The following CCNY variants were observed in gnomAD, a reference collection of about 807,000 sequenced individuals.
The protein encoded by CCNY is cyclin-Y.
In CCNY, 19 loss-of-function variants were observed where a neutral mutation model predicts 42.8. The ratio of observed to expected loss-of-function variants is 0.44; its 90% CI spans 0.31 to 0.65. The LOEUF is 0.65. Ranked by LOEUF, CCNY falls within the 30% of genes least tolerant of loss-of-function variation. The pLI is 0.07. For missense variants in CCNY, 370 were observed against 437.3 expected (o/e 0.85, Z 1.37); for synonymous variants, 165 against 162.7 (o/e 1.01, Z -0.11).
At chr10:35,472,528 T>C (rs971285786) in intron 1 of CCNY, among the ~76,000 whole-genome samples, 1 of 152,228 alleles carries the variant, frequency 6.6e-6, no homozygotes, top group Admixed American at 6.5e-5. Flanking sequence ...TCTCTTTCGT[T>C]ACTTCTGTAT....
intron 1 of CCNY, among the ~76,000 whole-genome samples, chr10:35,344,467 G>A (rs944994809): frequency 2.6e-5 from 4 of 152,174 alleles, no homozygotes; most frequent in South Asian, 4.1e-4. Flanking sequence ...TGAGGCAGGC[G>A]GATCATGAGG....
At chr10:35,485,057 T>G (rs1447952439) in intron 2 of CCNY, among the ~76,000 whole-genome samples, 1 of 152,252 alleles carries the variant, frequency 6.6e-6, no homozygotes, top group Non-Finnish European at 1.5e-5. Flanking sequence ...TGTTTATTGC[T>G]TCAGTTTCTC....
chr10:35,380,200 C>T (rs1035614434), intron 1 of CCNY, among the ~76,000 whole-genome samples: 1 of 152,176 alleles, frequency 6.6e-6, no homozygotes, highest in Non-Finnish European at 1.5e-5. Flanking sequence ...AAGTGCTGCT[C>T]CCATTTTGGT....
intron 3 of CCNY, among the ~76,000 whole-genome samples, chr10:35,275,316 T>C (rs974598088): frequency 6.6e-6 from 1 of 151,622 alleles, no homozygotes; most frequent in African/African-American, 2.4e-5. Flanking sequence ...TCTGCCCGCA[T>C]TGGCCTCCCA....
At chr10:35,285,084 T>C (rs1835337577) in intron 3 of CCNY, among the ~76,000 whole-genome samples, 1 of 151,952 alleles carries the variant, frequency 6.6e-6, no homozygotes, top group Admixed American at 6.6e-5. Context: ...AGCATGATCT[T>C]AGCTCACAGC....
intron 3 of CCNY, 146 bp downstream of exon 3, chr10:35,501,681 G>A: frequency 1.4e-6 from 1 of 709,576 alleles, no homozygotes; most frequent in East Asian, 2.6e-5. Context: ...AGTTTGGTTT[G>A]TAATTGGACA....
chr10:35,531,334 G>GAGCTGTGTGCTCCGAGGCT (rs1840766248), intron 7 of CCNY, among the ~76,000 whole-genome samples: 1 of 152,250 alleles, frequency 6.6e-6, no homozygotes, highest in African/African-American at 2.4e-5. Flanking sequence ...GCCACATGAA[G>GAGCTGTGTGCTCCGAGGCT]AGCTGTGTGC....
chr10:35,411,449 G>A (rs1837902072), intron 1 of CCNY, among the ~76,000 whole-genome samples: 2 of 144,082 alleles, frequency 1.4e-5, no homozygotes, highest in Non-Finnish European at 3.0e-5. Context: ...AGGAGGTGGA[G>A]GTTTGCAGTG....
At chr10:35,407,005 G>A (rs1431795715) in intron 1 of CCNY, among the ~76,000 whole-genome samples, 1 of 152,226 alleles carries the variant, frequency 6.6e-6, no homozygotes, top group African/African-American at 2.4e-5. Context: ...GTCTAGGGTG[G>A]TAAAGCGTCT....
intron 8 of CCNY, among the ~76,000 whole-genome samples, chr10:35,565,205 A>G (rs1410205566): frequency 6.6e-6 from 1 of 152,224 alleles, no homozygotes; most frequent in Non-Finnish European, 1.5e-5. Flanking sequence ...CAACATGTAG[A>G]TGGGTTGGCA....
intron 2 of CCNY, among the ~76,000 whole-genome samples, chr10:35,495,442 T>C (rs982205740): frequency 2.6e-5 from 4 of 152,250 alleles, no homozygotes; most frequent in Admixed American, 2.6e-4. Context: ...TCTCCTTATG[T>C]TCTTCCTTCG....
At chr10:35,472,684 T>G (rs543879772) in intron 1 of CCNY, among the ~76,000 whole-genome samples, 1 of 152,340 alleles carries the variant, frequency 6.6e-6, no homozygotes, top group East Asian at 1.9e-4. Context: ...TGACATCTAA[T>G]GAAATGCTAA....
rs147407082 is a variant in CCNY, at chr10:35,341,160, C to G, written c.154+3953C>G. The stretch of plus-strand genomic sequence containing the variant: ...GCTGGGGCCCCTTGGGATCTGCCTG[C>G]CATCAGCTCACTCAGTCGCTTGCTC... On this transcript the variant is annotated intron_variant, in intron 1 of 9. Coordinates refer to ENST00000374704, the MANE Select transcript of CCNY (RefSeq NM_145012.6). Among the ~76,000 whole-genome samples, 504 of 152,340 alleles carry G rather than the reference C, an allele frequency of 3.3e-3. 4 individuals are homozygous for G. Among genetic ancestry groups the G allele is most frequent in the African/African-American group, 0.011 (476 of 41,578 alleles).
At chr10:35,564,272 G>A (rs1461959252) in intron 8 of CCNY, among the ~76,000 whole-genome samples, 2 of 152,132 alleles carry the variant, frequency 1.3e-5, no homozygotes, top group Non-Finnish European at 2.9e-5. Flanking sequence ...AAGCAGTGAC[G>A]CTCTTCATCT....
At chr10:35,312,382 C>CAA (rs35909291) in intron 3 of CCNY, among the ~76,000 whole-genome samples, 1,003 of 61,418 alleles carry the variant, frequency 0.016, 41 homozygotes, top group East Asian at 0.049. Context: ...CTCTGTGTCA[C>CAA]AAAAAAAAAA....
intron 1 of CCNY, among the ~76,000 whole-genome samples, chr10:35,379,631 G>T (rs972350459): frequency 6.6e-6 from 1 of 152,230 alleles, no homozygotes; most frequent in African/African-American, 2.4e-5. Flanking sequence ...TCCTGGTGAC[G>T]AAGTGATGTG....
intron 1 of CCNY, among the ~76,000 whole-genome samples, chr10:35,470,688 G>T (rs1589141870): frequency 6.6e-6 from 1 of 152,228 alleles, no homozygotes; most frequent in Non-Finnish European, 1.5e-5. Context: ...GGCAGCCACA[G>T]CAGGAGCTGT....
In CCNY at chr10:35,530,301, C is replaced by T; in HGVS notation, c.579+58C>T. 1.9e-6 allele frequency: 3 copies of T among 1,607,678 alleles called. No homozygotes were observed. The highest frequency in any genetic ancestry group is 1.7e-4 in the Middle Eastern group (1 of 5,926). ...CAGCCGAGGTGGTCCAGGGCCCGTT[C>T]CTGTTACTCAGCGGAGTGAGGTTGG... is the stretch of plus-strand genomic sequence containing the variant. On this transcript the variant is annotated intron_variant, in intron 7 of 9. Coordinates refer to ENST00000374704, the MANE Select transcript of CCNY (RefSeq NM_145012.6). The surrounding 1 kb of genome is among the most constrained non-coding windows in gnomAD (Gnocchi z 4.3).
intron 3 of CCNY, among the ~76,000 whole-genome samples, chr10:35,317,254 G>A (rs993846743): frequency 2.0e-5 from 3 of 152,132 alleles, no homozygotes; most frequent in Non-Finnish European, 2.9e-5. Flanking sequence ...GTCTTCCAAT[G>A]TGTTAGGATT....
Sources: gnomAD v4.1 joint callset for allele counts (sites outside exome capture counted in the v4.1 genomes callset) on GRCh38, gnomAD v4.1.1 for gene constraint, Gnocchi (gnomAD v3.1) non-coding constraint, MANE v1.5 for transcripts, NCBI Gene and HGNC (gene_info 2026-07-23, HGNC 2026-07-21) for gene names.